The following PTGFRN variants were observed in gnomAD, a reference collection of about 807,000 sequenced individuals.
The protein encoded by PTGFRN is prostaglandin F2 receptor inhibitor.
In PTGFRN, 35 loss-of-function variants were observed where a neutral mutation model predicts 83.2. The ratio of observed to expected loss-of-function variants is 0.42; its 90% CI spans 0.32 to 0.56. PTGFRN has a LOEUF of 0.56. PTGFRN is among the 20% of genes least tolerant of loss of function. The pLI, the probability that PTGFRN is intolerant of heterozygous loss-of-function variation, is 0.11. For missense variants in PTGFRN, 1,051 were observed against 1,179.5 expected (o/e 0.89, Z 1.60); for synonymous variants, 519 against 498.6 (o/e 1.04, Z -0.55).
At chr1:116,967,729 G>A (rs1650882155) in intron 6 of PTGFRN, among the ~76,000 whole-genome samples, 1 of 152,154 alleles carries the variant, frequency 6.6e-6, no homozygotes. Flanking sequence ...ATGTTTTCAA[G>A]GGTCATCCAT....
At chr1:116,940,306 C>T (rs1650029429) in intron 1 of PTGFRN, among the ~76,000 whole-genome samples, 1 of 152,164 alleles carries the variant, frequency 6.6e-6, no homozygotes, top group Non-Finnish European at 1.5e-5. Flanking sequence ...GGCTTGCTGG[C>T]AATTTGTGGA....
At chr1:116,948,909 T>C (rs568986614) in intron 3 of PTGFRN, among the ~76,000 whole-genome samples, 3 of 152,308 alleles carry the variant, frequency 2.0e-5, no homozygotes, top group African/African-American at 7.2e-5. Context: ...CTTAGGGTTG[T>C]TTTGAGGATT....
rs185460089 is a variant in PTGFRN at position 116,967,809 on chromosome 1, A to C, written c.2059+479A>C. On this transcript the variant is annotated intron_variant, in intron 6 of 8. Transcript: ENST00000393203. ...AGATTCCATCGTATGGATATCCCAC[A>C]TTGTGTTTATCCATTCATCAGTTGA... Among the ~76,000 whole-genome samples the C allele has an allele frequency of 1.5e-3, 228 of 152,304 alleles. 2 individuals are homozygous for C. Among genetic ancestry groups the C allele is most frequent in the African/African-American group, 4.9e-3 (203 of 41,560 alleles).
At chr1:116,982,873 G>C (rs543219615) in intron 7 of PTGFRN, among the ~76,000 whole-genome samples, 1 of 152,188 alleles carries the variant, frequency 6.6e-6, no homozygotes, top group Admixed American at 6.5e-5. Context: ...CTGGAGGGGG[G>C]AGGGTACAGG....
At chr1:116,929,037 G>T (rs1185470198) in intron 1 of PTGFRN, among the ~76,000 whole-genome samples, 4 of 152,210 alleles carry the variant, frequency 2.6e-5, no homozygotes, top group Middle Eastern at 3.4e-3. Flanking sequence ...GTCTGATAGG[G>T]ACCTCACATT....
Position 116,918,229 on chromosome 1 carries a change from C to A in PTGFRN, c.49+7977C>A, listed in dbSNP as rs995619572. Reference sequence around the variant, plus strand: ...AAAAGAGGAAAAAATAGGATTCAGGCTTCAGAATCAGCCTTTCATTTGAAT... The same window carrying A: ...AAAAGAGGAAAAAATAGGATTCAGGATTCAGAATCAGCCTTTCATTTGAAT... On this transcript the variant is annotated intron_variant, in intron 1 of 8. Coordinates refer to ENST00000393203, the MANE Select transcript of PTGFRN (RefSeq NM_020440.4). The surrounding 1 kb of genome is among the most constrained non-coding windows in gnomAD (Gnocchi z 4.1). Among the ~76,000 whole-genome samples, 7 of 152,224 alleles carry A rather than the reference C, an allele frequency of 4.6e-5. No homozygotes were observed. Among genetic ancestry groups the A allele is most frequent in the African/African-American group, 1.7e-4 (7 of 41,452 alleles).
At chr1:116,924,175 TCTCA>T (rs1045965404) in intron 1 of PTGFRN, among the ~76,000 whole-genome samples, 4 of 136,126 alleles carry the variant, frequency 2.9e-5, no homozygotes, top group Non-Finnish European at 6.2e-5. Context: ...TGAGACGGAG[TCTCA>T]CTCTTTTGCC....
rs771925666 is a variant in PTGFRN, at chr1:116,941,154, C to T, written c.50-561C>T. 8.5e-5 allele frequency among the ~76,000 whole-genome samples: 13 copies of T among 152,192 alleles called. No homozygotes were observed. Among genetic ancestry groups the T allele is most frequent in the Non-Finnish European group, 1.5e-4 (10 of 68,044 alleles). ...TGAGCCAGAAAATAGAAAATTAATA[C>T]TTGGTAAAATCATCATATTTTAAAA... On this transcript the variant is annotated intron_variant, in intron 1 of 8. Transcript: ENST00000393203. The surrounding 1 kb of genome is among the most constrained non-coding windows in gnomAD (Gnocchi z 5.0).
Position 116,949,218 on chromosome 1 carries a change from G to T in PTGFRN, c.859G>T (p.Val287Leu). 1 of 1,598,074 alleles carries T rather than the reference G, an allele frequency of 6.3e-7. No individual in the cohort carries two copies. The highest frequency in any genetic ancestry group is 1.3e-5 in the African/African-American group (1 of 74,694). ...TCTGCGAGCAGCTGTGCCCAAGAAT[G>T]TGTCTGTGGCTGAAGGAAAGGAACT... ...SVLRAAVPKNVSVAEGKELDL... is the reference protein window; with the variant it reads ...SVLRAAVPKNLSVAEGKELDL... Residue 287 changes from valine (V) to leucine (L), a missense_variant, in exon 4 of 9, where the codon GTG (valine) becomes TTG (leucine). Physicochemically the swap from Val to Leu is conservative, Grantham distance 32. Transcript: ENST00000393203.
chr1:116,911,513 AG>A (rs1649272132), intron 1 of PTGFRN, among the ~76,000 whole-genome samples: 1 of 152,238 alleles, frequency 6.6e-6, no homozygotes, highest in Admixed American at 6.5e-5. Flanking sequence ...TTCACCTTGA[AG>A]GGATTTTCTG....
intron 7 of PTGFRN, among the ~76,000 whole-genome samples, chr1:116,979,407 T>C (rs1651246654): frequency 2.0e-5 from 3 of 152,198 alleles, no homozygotes; most frequent in African/African-American, 4.8e-5. Flanking sequence ...GAGCCCGCAT[T>C]GCCAAGTCAA....
At chr1:116,916,912 C>T (rs1220079484) in intron 1 of PTGFRN, among the ~76,000 whole-genome samples, 1 of 151,842 alleles carries the variant, frequency 6.6e-6, no homozygotes, top group African/African-American at 2.4e-5. Flanking sequence ...AGAAAGTGGA[C>T]GATTGAGATG....
intron 5 of PTGFRN, among the ~76,000 whole-genome samples, chr1:116,963,128 G>A (rs1195394466): frequency 6.6e-6 from 1 of 152,204 alleles, no homozygotes; most frequent in African/African-American, 2.4e-5. Flanking sequence ...TGTGCCCACA[G>A]AGCTAATGTG....
chr1:116,961,355 A>AT lies in PTGFRN; in HGVS notation c.1328dup (p.Thr444HisfsTer49). On this transcript the variant is annotated frameshift_variant, in exon 5 of 9. Transcript: ENST00000393203. LOFTEE classifies it high-confidence loss of function. This position sits in a 1 kb window ranked among gnomAD's most constrained non-coding sequence, Gnocchi z 5.4. ...CGAAGAGTGGGGAGGCGAATGTCCG[A>AT]TTCACGGTTTCGTGGTACTACAGGA... 6.3e-7 allele frequency: 1 copy of AT among 1,594,966 alleles called. No homozygotes were observed. Among genetic ancestry groups the AT allele is most frequent in the Non-Finnish European group, 8.6e-7 (1 of 1,168,074 alleles).
chr1:116,932,333 C>T (rs1442648870), intron 1 of PTGFRN, among the ~76,000 whole-genome samples: 1 of 152,154 alleles, frequency 6.6e-6, no homozygotes, highest in African/African-American at 2.4e-5. Context: ...CTGTCCCCAT[C>T]GATTCCACCT....
At chr1:116,945,513 GTGCCTTTCTC>G (rs1179881470) in intron 3 of PTGFRN, among the ~76,000 whole-genome samples, 1 of 152,128 alleles carries the variant, frequency 6.6e-6, no homozygotes, top group Non-Finnish European at 1.5e-5. Context: ...GTCCTTTGAC[GTGCCTTTCTC>G]TGCAGCTGTT....
intron 1 of PTGFRN, among the ~76,000 whole-genome samples, chr1:116,936,537 G>C (rs1208145133): frequency 6.6e-6 from 1 of 152,228 alleles, no homozygotes; most frequent in African/African-American, 2.4e-5. Flanking sequence ...GGGAGTTGGG[G>C]AAGGCTTCAC....
At chr1:116,985,342 G>A (rs1651434210) in intron 8 of PTGFRN, among the ~76,000 whole-genome samples, 1 of 152,166 alleles carries the variant, frequency 6.6e-6, no homozygotes, top group Non-Finnish European at 1.5e-5. Context: ...GAGGGCTCAG[G>A]TCAATAGGGG....
intron 1 of PTGFRN, among the ~76,000 whole-genome samples, chr1:116,936,532 T>C (rs1022587337): frequency 5.3e-5 from 8 of 151,880 alleles, no homozygotes; most frequent in African/African-American, 1.7e-4. Flanking sequence ...CCTAGGGGAG[T>C]TGGGGAAGGC....
Sources: gnomAD v4.1 joint callset for allele counts (sites outside exome capture counted in the v4.1 genomes callset) on GRCh38, gnomAD v4.1.1 for gene constraint, Gnocchi (gnomAD v3.1) non-coding constraint, MANE v1.5 for transcripts, NCBI Gene and HGNC (gene_info 2026-07-23, HGNC 2026-07-21) for gene names.